The following TTLL8 variants were observed in gnomAD, a reference collection of about 807,000 sequenced individuals.
The protein encoded by TTLL8 is tubulin tyrosine ligase like 8.
A neutral mutation model predicts 77.8 loss-of-function variants in TTLL8; 65 were observed. The ratio of observed to expected loss-of-function variants is 0.84; its 90% confidence interval spans 0.68 to 1.03. The LOEUF is 1.03. Among genes scored for constraint, TTLL8 ranks in the 50% least tolerant of loss-of-function variants. The pLI, the probability that TTLL8 is intolerant of heterozygous loss-of-function variation, is 0.00. For missense variants in TTLL8, 910 were observed against 1,004.5 expected (o/e 0.91, Z 1.27); for synonymous variants, 402 against 422.8 (o/e 0.95, Z 0.60).
At position 50,031,948 on chromosome 22, in the gene TTLL8, G is replaced by GA. The variant is rs770999746; in HGVS notation, c.1444dup (p.Ser482PhefsTer25). ...GGCGTGGGCGATGGCCTTCTTCATGGACGGGTAGATGACGCTGCCCCACAC... is the reference window on the plus strand; with the variant it reads ...GGCGTGGGCGATGGCCTTCTTCATGGAACGGGTAGATGACGCTGCCCCACAC... On this transcript the variant is annotated frameshift_variant, in exon 11 of 14. Coordinates refer to ENST00000266182, the Ensembl canonical transcript of TTLL8. LOFTEE classifies it high-confidence loss of function. 16 of 1,366,792 alleles carry GA rather than the reference G, an allele frequency of 1.2e-5. No homozygotes were observed. In the Middle Eastern group the frequency reaches 1.0e-3, roughly 89 times the overall value. The allele number at this position is 1,366,792 out of a possible 1,614,324, so 84.7% of individuals were successfully genotyped here. A position where few individuals can be genotyped will look rare whatever the true frequency, so the allele number is the denominator to read the frequency against.
chr22:50,030,555 C>A, exon 12 of TTLL8: 1 of 1,317,654 alleles, frequency 7.6e-7, no homozygotes, highest in South Asian at 1.3e-5. Context: ...TACGGGGACA[C>A]CGGTGTTTGG....
chr22:50,020,367 C>T (rs530776752), intron 12 of TTLL8, among the ~76,000 whole-genome samples: 31 of 145,680 alleles, frequency 2.1e-4, no homozygotes, highest in Non-Finnish European at 3.3e-4. Context: ...CATCTGATGA[C>T]GTGCACTCCT....
At chr22:50,049,102 C>T (rs1003791009) in intron 3 of TTLL8, 147 bp downstream of exon 5, 87 of 1,257,570 alleles carry the variant, frequency 6.9e-5, no homozygotes, top group Admixed American at 2.8e-4. Context: ...CCCTGCTGCC[C>T]GGTCAAGGGG....
At chr22:50,031,867 C>T (rs773494495) in exon 11 of TTLL8, 1 of 1,367,314 alleles carries the variant, frequency 7.3e-7, no homozygotes, top group South Asian at 1.1e-5. Context: ...GAAGTCAGCC[C>T]CGTAGAGCTC....
intron 8 of TTLL8, among the ~76,000 whole-genome samples, chr22:50,035,493 T>C (rs1479175478): frequency 1.3e-5 from 2 of 152,138 alleles, no homozygotes; most frequent in Non-Finnish European, 2.9e-5. Context: ...AGGGAAGGAC[T>C]GAAGGCGACC....
exon 12 of TTLL8, chr22:50,030,437 T>G: frequency 7.5e-7 from 1 of 1,331,550 alleles, no homozygotes; most frequent in Non-Finnish European, 9.9e-7. Context: ...TACCTTTTCC[T>G]CCGGGCGGCG....
At chr22:50,018,752 C>G (rs1306360731) in intron 12 of TTLL8, among the ~76,000 whole-genome samples, 2 of 152,210 alleles carry the variant, frequency 1.3e-5, no homozygotes, top group Non-Finnish European at 2.9e-5. Flanking sequence ...GTGGCTGCAA[C>G]CTGTACTCCT....
chr22:50,038,307 A>G (rs1180876165), intron 8 of TTLL8, among the ~76,000 whole-genome samples: 2 of 152,066 alleles, frequency 1.3e-5, no homozygotes, highest in Non-Finnish European at 2.9e-5. Flanking sequence ...CAATCATATC[A>G]TCTACAAATA....
upstream of TTLL8, among the ~76,000 whole-genome samples, chr22:50,055,768 C>T (rs909338113): frequency 6.6e-6 from 1 of 151,912 alleles, no homozygotes; most frequent in Non-Finnish European, 1.5e-5. Context: ...GAGACCAGAG[C>T]TGTGGGAGAG....
At chr22:50,052,962 C>G (rs1365202966) in intron 1 of TTLL8, among the ~76,000 whole-genome samples, 1 of 152,158 alleles carries the variant, frequency 6.6e-6, no homozygotes, top group African/African-American at 2.4e-5. Context: ...TGGGTCAAGT[C>G]AGTAATCCCA....
At chr22:50,031,195 CAG>C (rs1284802382) in intron 11 of TTLL8, among the ~76,000 whole-genome samples, 4 of 152,174 alleles carry the variant, frequency 2.6e-5, no homozygotes, top group Non-Finnish European at 5.9e-5. Context: ...AGTTTAGCCA[CAG>C]AGAGGCCGCA....
rs1407130376 is a variant in TTLL8 at position 50,044,295 on chromosome 22, G to C, written c.643+960C>G. ...ATCATGCCATTGTACTTCAACCTGG[G>C]TGACAGAGCAAGACTCCATCTCAAA... On this transcript the variant is annotated intron_variant, in intron 6 of 13. Transcript: ENST00000266182. This position sits in a 1 kb window ranked among gnomAD's most constrained non-coding sequence, Gnocchi z 4.2. Among the ~76,000 whole-genome samples the C allele has an allele frequency of 6.6e-6, 1 of 151,802 alleles. No individual in the cohort carries two copies. Among genetic ancestry groups the C allele is most frequent in the Non-Finnish European group, 1.5e-5 (1 of 67,972 alleles).
intron 3 of TTLL8, 102 bp downstream of exon 5, chr22:50,049,147 T>C (rs955251913): frequency 3.8e-6 from 5 of 1,332,464 alleles, no homozygotes; most frequent in Non-Finnish European, 5.0e-6. Context: ...CTCGCCGGGC[T>C]GCCATCCCCC....
chr22:50,052,240 C>T lies in TTLL8; in HGVS notation c.52-1993G>A, dbSNP rs188223011. ...AGAACGGTGGGGGAGCTGGACAGTC[C>T]GCAAGAGGGCTGGCACCCTCCGACT... On this transcript the variant is annotated intron_variant, in intron 1 of 13. Coordinates refer to ENST00000266182, the Ensembl canonical transcript of TTLL8. Among the ~76,000 whole-genome samples, 38 of 152,260 alleles carry T rather than the reference C, an allele frequency of 2.5e-4. No individual in the cohort carries two copies. The South Asian group carries it at 4.4e-3, about 17-fold the overall frequency.
Position 50,031,986 on chromosome 22 carries a change from C to T in TTLL8, c.1407G>A (p.Gln469=), listed in dbSNP as rs1005426729. The T allele has an allele frequency of 4.4e-6, 6 of 1,366,616 alleles. No homozygotes were observed. In the African/African-American group the frequency reaches 7.4e-5, roughly 17 times the overall value. 84.7% of individuals were successfully genotyped at this position (1,366,616 alleles called of 1,614,324 possible). Residue 469 remains glutamine, a synonymous_variant, in exon 11 of 14, where the codon CAG becomes CAA. Transcript: ENST00000266182. Reference sequence around the variant, plus strand: ...CGCTGCCCCACACGGCGCCACGGCCCTGGCGCTGCAGGTACTCCTGGAACC... The same window carrying T: ...CGCTGCCCCACACGGCGCCACGGCCTTGGCGCTGCAGGTACTCCTGGAACC...
intron 2 of TTLL8, 137 bp from the exon 5 acceptor site, chr22:50,049,459 G>T: frequency 1.1e-6 from 1 of 917,518 alleles, no homozygotes; most frequent in Non-Finnish European, 1.5e-6. Flanking sequence ...TTCCCCTGGT[G>T]GAGCAGGAGC....
rs764884027 is a variant in TTLL8, at chr22:50,034,378, C to T, written c.1006G>A (p.Ala336Thr). ...TCACCTCGGCCCCGGGACTTGGCCG[C>T]GGGCTTTATAATCCAGATGTTCCGG... The change falls in exon 9 of 14, where the codon GCG becomes ACG. Residue 336 changes from alanine to threonine, a missense_variant. Physicochemically the swap from Ala to Thr is moderately conservative, Grantham distance 58 (BLOSUM62 0). Coordinates refer to ENST00000266182, the Ensembl canonical transcript of TTLL8. The surrounding 1 kb of genome is among the most constrained non-coding windows in gnomAD (Gnocchi z 4.1). 21 of 1,366,890 alleles carry T rather than the reference C, an allele frequency of 1.5e-5. No homozygotes were observed. The highest frequency in any genetic ancestry group is 1.5e-4 in the South Asian group (13 of 88,034). The allele number at this position is 1,366,890 out of a possible 1,614,324, so 84.7% of individuals were successfully genotyped here.
chr22:50,019,552 G>T (rs2061183179), intron 12 of TTLL8, among the ~76,000 whole-genome samples: 1 of 152,086 alleles, frequency 6.6e-6, no homozygotes, highest in African/African-American at 2.4e-5. Context: ...GAAGCCAGCT[G>T]CCATGTTGTG....
In TTLL8 at chr22:50,030,485, C is replaced by A. The variant is rs374766666; in HGVS notation, c.2148G>T (p.Val716=). The change falls in exon 12 of 14, where the codon GTG becomes GTT. Residue 716 remains valine (V), a synonymous_variant. Transcript: ENST00000266182. ...CCTCTGCTGTCTTCAGGCCCCGCAG[C>A]ACAGGCTCCAGCGGGTGCGCATTTA... is the stretch of plus-strand genomic sequence containing the variant. 34 of 1,345,524 alleles carry A rather than the reference C, an allele frequency of 2.5e-5. No homozygotes were observed. The African/African-American group carries it at 3.6e-4, about 14-fold the overall frequency. 83.3% of individuals were successfully genotyped at this position (1,345,524 alleles called of 1,614,324 possible). A position where few individuals can be genotyped will look rare whatever the true frequency, so the allele number is the denominator to read the frequency against.
Sources: allele counts gnomAD v4.1 joint callset (sites outside exome capture counted in the v4.1 genomes callset), GRCh38; gene constraint gnomAD v4.1.1; non-coding constraint Gnocchi (gnomAD v3.1); transcripts MANE v1.5; gene names NCBI Gene and HGNC (gene_info 2026-07-23, HGNC 2026-07-21).